ZNF133: variants seen among roughly 807,000 people sequenced by gnomAD.
ZNF133 encodes the protein zinc finger protein 133.
A neutral mutation model predicts 54.9 loss-of-function variants in ZNF133; 26 were observed. That is an observed-to-expected ratio of 0.47 (90% CI 0.35 to 0.66). The LOEUF (loss-of-function observed/expected upper bound fraction) is 0.66, where lower values mean the gene tolerates loss of function less well. Ranked by LOEUF, ZNF133 falls within the 30% of genes least tolerant of loss-of-function variation. ZNF133 has a pLI of 0.01. For missense variants in ZNF133, 653 were observed against 820.8 expected, an observed-to-expected ratio of 0.80 and a Z score of 2.50; for synonymous variants, 298 against 320.3, an observed-to-expected ratio of 0.93 and a Z score of 0.74.
At position 18,316,246 on chromosome 20, in the gene ZNF133, C is replaced by T. The variant is rs781318049; in HGVS notation, c.1395C>T (p.Pro465=). The T allele has an allele frequency of 6.2e-7, 1 of 1,609,134 alleles. No homozygotes were observed. The highest frequency in any genetic ancestry group is 8.5e-7 in the Non-Finnish European group (1 of 1,177,726). ...AGAACATACACTCAGGAGAGAAGCC[C>T]ATTGTGTGCAAGGACTGTGGCCGGG... ...RHQNIHSGEK[P]IVCKDCGRGF... Residue 465 remains proline, a synonymous_variant, in exon 7 of 7, where the codon CCC becomes CCT. Transcript: ENST00000425686.
chr20:18,306,781 CA>C, intron 6 of ZNF133: 1 of 1,279,930 alleles, frequency 7.8e-7, no homozygotes, highest in Non-Finnish European at 1.0e-6. Context: ...TCTAAAAAGC[CA>C]ATAGAGAAAT....
At chr20:18,306,424 A>G (rs41276426) in intron 6 of ZNF133, 31 bp downstream of exon 6, 53 of 1,600,088 alleles carry the variant, frequency 3.3e-5, no homozygotes, top group Non-Finnish European at 4.0e-5. Context: ...CAAATGAGAC[A>G]TGAGCTCAGC....
intron 1 of ZNF133, chr20:18,289,933 C>A (rs1374356022): frequency 6.6e-6 from 1 of 152,290 alleles, no homozygotes; most frequent in African/African-American, 2.4e-5. Context: ...ATAGGAGGTA[C>A]TGCCCTGCTG....
chr20:18,296,985 A>C (rs921252526), intron 1 of ZNF133, among the ~76,000 whole-genome samples: 1 of 152,204 alleles, frequency 6.6e-6, no homozygotes, highest in African/African-American at 2.4e-5. Context: ...AAAGTCTAAT[A>C]GTTTTTCTAG....
intron 6 of ZNF133, among the ~76,000 whole-genome samples, chr20:18,307,059 C>T (rs113230145): frequency 1.4e-5 from 1 of 73,284 alleles, no homozygotes; most frequent in South Asian, 5.3e-4. Flanking sequence ...AATCACCCCC[C>T]CTCCCAACAT....
At chr20:18,313,192 A>T (rs6081093) in intron 6 of ZNF133, 1 of 152,244 alleles carries the variant, frequency 6.6e-6, no homozygotes, top group Non-Finnish European at 1.5e-5. Flanking sequence ...TTCCTAGTGT[A>T]TACACAGAAT....
At chr20:18,311,415 A>G (rs1482136225) in intron 6 of ZNF133, among the ~76,000 whole-genome samples, 2 of 152,218 alleles carry the variant, frequency 1.3e-5, no homozygotes, top group Non-Finnish European at 2.9e-5. Context: ...GACAAAAATT[A>G]GTTATTTTTC....
chr20:18,316,233 C>T lies in ZNF133; in HGVS notation c.1382C>T (p.Ser461Leu), dbSNP rs2047433800. The change falls in exon 7 of 7, where the codon TCA (serine) becomes TTA (leucine). Residue 461 changes from serine (S) to leucine (L), a missense_variant. By Grantham distance (145) the Ser-to-Leu change is moderately radical. Transcript: ENST00000425686. Reference sequence around the variant, plus strand: ...CTCAACAGACACCAGAACATACACTCAGGAGAGAAGCCCATTGTGTGCAAG... The same window carrying T: ...CTCAACAGACACCAGAACATACACTTAGGAGAGAAGCCCATTGTGTGCAAG... ...SHLNRHQNIH[S>L]GEKPIVCKDC... is the part of the protein sequence containing the mutation. The T allele has an allele frequency of 6.2e-7, 1 of 1,607,568 alleles. No individual in the cohort carries two copies.
chr20:18,302,431 T>C (rs1176126280), intron 3 of ZNF133, among the ~76,000 whole-genome samples: 4 of 147,462 alleles, frequency 2.7e-5, no homozygotes, highest in African/African-American at 1.0e-4. Flanking sequence ...AATCAATGCA[T>C]ATAAAATATC....
intron 3 of ZNF133, 31 bp from the exon 4 acceptor site, chr20:18,304,977 C>T: frequency 1.0e-6 from 1 of 984,716 alleles, no homozygotes; most frequent in South Asian, 4.7e-5. Context: ...CATGCCCTGT[C>T]TTAGAAACCC....
Position 18,298,441 on chromosome 20 carries a change from C to A in ZNF133, c.-201C>A. The stretch of plus-strand genomic sequence containing the variant: ...GGAGTCTAGTTGAAGGCCTCCAGTT[C>A]CCAGGGGGAAGGAAGCATGGAGGGT... On this transcript the variant is annotated 5_prime_UTR_variant, in exon 3 of 7. Transcript: ENST00000425686. The A allele has an allele frequency of 3.2e-6, 2 of 620,450 alleles. No individual in the cohort carries two copies. Among genetic ancestry groups the A allele is most frequent in the Non-Finnish European group, 4.2e-6 (2 of 478,868 alleles). The allele number at this position is 620,450 out of a possible 1,614,324, so 38.4% of individuals were successfully genotyped here. A position where few individuals can be genotyped will look rare whatever the true frequency, so the allele number is the denominator to read the frequency against.
chr20:18,304,331 C>G (rs1420226345), intron 3 of ZNF133, among the ~76,000 whole-genome samples: 1 of 152,178 alleles, frequency 6.6e-6, no homozygotes, highest in East Asian at 1.9e-4. Context: ...CAAAATGGTA[C>G]AGCTGCTGTG....
chr20:18,288,617 C>G lies in ZNF133; in HGVS notation c.-432+13C>G, dbSNP rs547903025. ...TTTGGTGGCGCTGGTGAGTGAGGCTCCCGCGGGACCCTTGCCGCAGCCGTA... is the reference window on the plus strand; with the variant it reads ...TTTGGTGGCGCTGGTGAGTGAGGCTGCCGCGGGACCCTTGCCGCAGCCGTA... On this transcript the variant is annotated intron_variant, in intron 1 of 6. Coordinates refer to ENST00000425686, the MANE Select transcript of ZNF133 (RefSeq NM_001352452.2). 2 of 398,510 alleles carry G rather than the reference C, an allele frequency of 5.0e-6. No individual in the cohort carries two copies. Among genetic ancestry groups the G allele is most frequent in the Non-Finnish European group, 8.8e-6 (2 of 226,098 alleles). The allele number at this position is 398,510 out of a possible 1,614,324, so 24.7% of individuals were successfully genotyped here. A position where few individuals can be genotyped will look rare whatever the true frequency, so the allele number is the denominator to read the frequency against.
Position 18,315,607 on chromosome 20 carries a change from C to A in ZNF133, c.756C>A (p.Ser252Arg). Reference protein sequence around the residue: ...YVCGVCEKGFSLKKSLARHQK... With the variant: ...YVCGVCEKGFRLKKSLARHQK... ...GTGGGGTATGTGAGAAGGGCTTCAG[C>A]CTAAAGAAGAGCCTCGCCAGACACC... Residue 252 changes from serine to arginine, a missense_variant, in exon 7 of 7, where the codon AGC becomes AGA. By Grantham distance (110) the Ser-to-Arg change is moderately radical. Coordinates refer to ENST00000425686, the MANE Select transcript of ZNF133 (RefSeq NM_001352452.2). The A allele has an allele frequency of 6.2e-7, 1 of 1,613,524 alleles. No homozygotes were observed. Among genetic ancestry groups the A allele is most frequent in the East Asian group, 2.2e-5 (1 of 44,798 alleles).
intron 6 of ZNF133, chr20:18,314,817 T>C (rs2147918885): frequency 2.5e-6 from 1 of 406,110 alleles, no homozygotes; most frequent in African/African-American, 2.0e-5. Flanking sequence ...ACTGGCCCTA[T>C]TTACACACCC....
At chr20:18,315,016 G>A (rs1296285148) in intron 6 of ZNF133, 53 bp from the exon 7 acceptor site, 2 of 1,499,580 alleles carry the variant, frequency 1.3e-6, no homozygotes. Context: ...TAAGCTGATT[G>A]CTCAGGCTGC....
chr20:18,306,992 T>C (rs1037639495), intron 6 of ZNF133, among the ~76,000 whole-genome samples: 1 of 152,152 alleles, frequency 6.6e-6, no homozygotes, highest in Non-Finnish European at 1.5e-5. Context: ...TTATATTCTA[T>C]TAATACTTAA....
intron 6 of ZNF133, among the ~76,000 whole-genome samples, chr20:18,307,786 C>T (rs1473403334): frequency 6.6e-6 from 1 of 152,086 alleles, no homozygotes; most frequent in African/African-American, 2.4e-5. Flanking sequence ...GTGCTAAGCT[C>T]TGGCCAGTGA....
intron 3 of ZNF133, among the ~76,000 whole-genome samples, 187 bp downstream of exon 3, chr20:18,298,651 G>GT (rs985335523): frequency 3.0e-4 from 45 of 152,250 alleles, no homozygotes; most frequent in African/African-American, 9.6e-4. Context: ...GTTAATTGCT[G>GT]TTTCTGATCA....
Sources: gnomAD v4.1 joint callset for allele counts (sites outside exome capture counted in the v4.1 genomes callset) on GRCh38, gnomAD v4.1.1 for gene constraint, MANE v1.5 for transcripts, NCBI Gene and HGNC (gene_info 2026-07-23, HGNC 2026-07-21) for gene names.